SUMF1: variants seen among roughly 807,000 people sequenced by gnomAD.
SUMF1 encodes the protein formylglycine-generating enzyme.
A neutral mutation model predicts 47.6 loss-of-function variants in SUMF1; 48 were observed. That is an observed-to-expected ratio of 1.01 (90% confidence interval 0.80 to 1.28). SUMF1 has a LOEUF of 1.28. Among genes scored for constraint, SUMF1 ranks in the 50% most tolerant of loss-of-function variants. The pLI, the probability that SUMF1 is intolerant of heterozygous loss-of-function variation, is 0.00. For synonymous variants in SUMF1, 230 were observed against 192.1 expected, an observed-to-expected ratio of 1.20 and a Z score of -1.63; for missense variants, 571 against 485.4, an observed-to-expected ratio of 1.18 and a Z score of -1.66.
chr3:4,190,826 A>G (rs1030903536), intron 8 of SUMF1, among the ~76,000 whole-genome samples: 9 of 152,184 alleles, frequency 5.9e-5, no homozygotes, highest in Non-Finnish European at 1.3e-4. Context: ...TGAAGACCAC[A>G]GATGGGTATT....
chr3:4,383,101 G>A (rs536647078), intron 7 of SUMF1, among the ~76,000 whole-genome samples: 15 of 152,176 alleles, frequency 9.9e-5, no homozygotes, highest in Admixed American at 3.9e-4. Context: ...GATCAGGGCC[G>A]GGCGCAGTGG....
At chr3:4,249,553 A>C (rs1328460064) in intron 8 of SUMF1, among the ~76,000 whole-genome samples, 1 of 152,168 alleles carries the variant, frequency 6.6e-6, no homozygotes, top group Non-Finnish European at 1.5e-5. Flanking sequence ...GGCAAACTTA[A>C]TAAATGTTTG....
rs369660164 is a variant in SUMF1 at position 4,067,004 on chromosome 3, C to T, written c.1191+1565G>A. Among the ~76,000 whole-genome samples the T allele has an allele frequency of 7.2e-5, 11 of 152,232 alleles. No individual in the cohort carries two copies. In the South Asian group the frequency reaches 1.0e-3, roughly 14 times the overall value. On this transcript the variant is annotated intron_variant and NMD_transcript_variant, in intron 9 of 12. Transcript: ENST00000448413. Reference sequence around the variant, plus strand: ...TCTTGATTTATGAAGGGCCTGAATTCGTTAGGGGATAACCTCATTATCCCC... The same window carrying T: ...TCTTGATTTATGAAGGGCCTGAATTTGTTAGGGGATAACCTCATTATCCCC...
intron 8 of SUMF1, among the ~76,000 whole-genome samples, chr3:4,132,902 T>A (rs1693825418): frequency 6.6e-6 from 1 of 152,010 alleles, no homozygotes; most frequent in South Asian, 2.1e-4. Context: ...TTAAGGTCAA[T>A]AGGAAACTAC....
At chr3:4,181,545 T>C (rs1437580939) in intron 8 of SUMF1, among the ~76,000 whole-genome samples, 4 of 152,178 alleles carry the variant, frequency 2.6e-5, no homozygotes, top group African/African-American at 7.2e-5. Context: ...GGTTTGACCT[T>C]GGGCTAGTCA....
intron 8 of SUMF1, among the ~76,000 whole-genome samples, chr3:4,118,321 C>T (rs1693466804): frequency 6.6e-6 from 1 of 151,558 alleles, no homozygotes; most frequent in South Asian, 2.1e-4. Context: ...GTGTCATTAT[C>T]CACATTTAAA....
chr3:4,437,144 T>TA (rs1702429181), intron 3 of SUMF1, among the ~76,000 whole-genome samples: 1 of 152,152 alleles, frequency 6.6e-6, no homozygotes, highest in African/African-American at 2.4e-5. Flanking sequence ...AGAGTACAGA[T>TA]ATTAGTAATT....
intron 7 of SUMF1, among the ~76,000 whole-genome samples, chr3:4,395,828 A>G (rs1017341506): frequency 6.6e-6 from 1 of 152,218 alleles, no homozygotes; most frequent in African/African-American, 2.4e-5. Context: ...CTGGAGTAAT[A>G]CATGAAATCA....
intron 8 of SUMF1, among the ~76,000 whole-genome samples, chr3:4,283,227 C>T (rs1383781717): frequency 6.6e-6 from 1 of 152,144 alleles, no homozygotes; most frequent in African/African-American, 2.4e-5. Flanking sequence ...CTAGAGGCAA[C>T]AATGAAGCAC....
In SUMF1 at chr3:4,387,126, G is replaced by A. The variant is rs368264404; in HGVS notation, c.955-10737C>T. On this transcript the variant is annotated intron_variant, in intron 7 of 8. Coordinates refer to ENST00000272902, the MANE Select transcript of SUMF1 (RefSeq NM_182760.4). ...TAGCTTCGTAAAATGATTAGAAAGT[G>A]TTCCCTTCTTTTCATTTTCTAAAAC... is the stretch of plus-strand genomic sequence containing the variant. Among the ~76,000 whole-genome samples the A allele has an allele frequency of 4.6e-5, 7 of 151,994 alleles. No individual in the cohort carries two copies. The East Asian group carries it at 5.8e-4, about 13-fold the overall frequency.
chr3:4,442,050 G>A (rs750102921), intron 3 of SUMF1, among the ~76,000 whole-genome samples: 1 of 152,164 alleles, frequency 6.6e-6, no homozygotes, highest in African/African-American at 2.4e-5. Flanking sequence ...GGTTGGGCAG[G>A]AGAAAGAAAA....
chr3:4,135,250 C>T (rs1693897453), intron 8 of SUMF1, among the ~76,000 whole-genome samples: 1 of 152,088 alleles, frequency 6.6e-6, no homozygotes, highest in African/African-American at 2.4e-5. Flanking sequence ...GTGAATCCAG[C>T]AGCACATCAA....
intron 8 of SUMF1, among the ~76,000 whole-genome samples, chr3:4,134,375 A>T (rs1291623804): frequency 6.6e-6 from 1 of 152,174 alleles, no homozygotes; most frequent in Non-Finnish European, 1.5e-5. Context: ...ACTACTGGGT[A>T]CATAACAAAA....
At chr3:4,386,863 GT>G (rs370884434) in intron 7 of SUMF1, among the ~76,000 whole-genome samples, 146 of 146,338 alleles carry the variant, frequency 1.0e-3, no homozygotes, top group South Asian at 2.2e-3. Context: ...TAATCATGTG[GT>G]TTTTTTTTTT....
intron 8 of SUMF1, among the ~76,000 whole-genome samples, chr3:4,220,713 G>C (rs747296261): frequency 2.0e-5 from 3 of 152,074 alleles, no homozygotes; most frequent in Non-Finnish European, 2.9e-5. Context: ...ACTTGCTATA[G>C]GACCTTGAGT....
intron 8 of SUMF1, among the ~76,000 whole-genome samples, chr3:4,203,561 T>C (rs1450223256): frequency 1.3e-5 from 2 of 151,980 alleles, no homozygotes; most frequent in Non-Finnish European, 2.9e-5. Context: ...GTCTTTTAAT[T>C]GGAAAGTTTA....
chr3:4,170,499 A>C (rs938785778), intron 8 of SUMF1, among the ~76,000 whole-genome samples: 1 of 152,180 alleles, frequency 6.6e-6, no homozygotes, highest in African/African-American at 2.4e-5. Flanking sequence ...AGTGGGGAAT[A>C]AGGAAGGGCA....
chr3:4,189,916 G>A (rs538257688), intron 8 of SUMF1, among the ~76,000 whole-genome samples: 15 of 152,238 alleles, frequency 9.9e-5, no homozygotes, highest in African/African-American at 2.9e-4. Context: ...TAAAGTGTCT[G>A]CTTTCATCTG....
chr3:4,299,382 T>G (rs1029130000), intron 8 of SUMF1, among the ~76,000 whole-genome samples: 1 of 152,216 alleles, frequency 6.6e-6, no homozygotes, highest in African/African-American at 2.4e-5. Context: ...TAATCTCAAG[T>G]GAAGCTAATG....
Sources: allele counts gnomAD v4.1 joint callset (sites outside exome capture counted in the v4.1 genomes callset), GRCh38; gene constraint gnomAD v4.1.1; transcripts MANE v1.5; gene names NCBI Gene and HGNC (gene_info 2026-07-23, HGNC 2026-07-21).